Variants in ZFHX3 observed in about 807,000 individuals in gnomAD.
ZFHX3 encodes zinc finger homeobox protein 3.
In ZFHX3, 42 loss-of-function variants were observed where a neutral mutation model predicts 279.1. The ratio of observed to expected loss-of-function variants is 0.15; its 90% confidence interval spans 0.12 to 0.19. The LOEUF is 0.19. Among genes scored for constraint, ZFHX3 ranks in the 10% least tolerant of loss-of-function variants. ZFHX3 has a pLI of 1.00. For synonymous variants in ZFHX3, 2,293 were observed against 1,957.8 expected (o/e 1.17, Z -4.52); for missense variants, 4,981 against 4,754.0 (o/e 1.05, Z -1.40).
At chr16:73,713,993 C>T (rs912124258) in intron 1 of ZFHX3, among the ~76,000 whole-genome samples, 12 of 152,118 alleles carry the variant, frequency 7.9e-5, no homozygotes, top group Non-Finnish European at 1.6e-4. Context: ...CGATACCCAG[C>T]GGCTGGCACC....
At chr16:73,521,708 A>G (rs2019611471) in intron 2 of ZFHX3, among the ~76,000 whole-genome samples, 1 of 151,982 alleles carries the variant, frequency 6.6e-6, no homozygotes. Flanking sequence ...AAAAATTTAA[A>G]TCTAAAATAA....
intron 4 of ZFHX3, among the ~76,000 whole-genome samples, chr16:73,308,128 G>A (rs2015225196): frequency 6.6e-6 from 1 of 151,304 alleles, no homozygotes; most frequent in African/African-American, 2.4e-5. Context: ...TTGTCGGAGA[G>A]ATAAGTAATA....
chr16:73,042,120 C>T (rs373832282), intron 1 of ZFHX3, among the ~76,000 whole-genome samples: 5 of 152,020 alleles, frequency 3.3e-5, no homozygotes, highest in East Asian at 1.9e-4. Flanking sequence ...AGTTTAAATG[C>T]TTCTGAAAAG....
chr16:73,286,929 T>C (rs1597263088), intron 4 of ZFHX3, among the ~76,000 whole-genome samples: 2 of 140,448 alleles, frequency 1.4e-5, no homozygotes, highest in Non-Finnish European at 3.1e-5. Context: ...GCTGTGTGGG[T>C]TGGTGTGTGG....
intron 1 of ZFHX3, among the ~76,000 whole-genome samples, chr16:73,869,826 G>A (rs974893630): frequency 2.6e-5 from 4 of 152,178 alleles, no homozygotes; most frequent in African/African-American, 7.2e-5. Flanking sequence ...TTTAGAGGGA[G>A]GTAGCGGTCT....
intron 5 of ZFHX3, among the ~76,000 whole-genome samples, chr16:73,155,195 CA>C (rs78019086): frequency 1.5e-5 from 2 of 133,512 alleles, no homozygotes; most frequent in African/African-American, 5.4e-5. Context: ...AAAAAAAAAA[CA>C]AAAAAAAGGA....
intron 2 of ZFHX3, among the ~76,000 whole-genome samples, chr16:73,516,688 C>T (rs368268324): frequency 2.6e-4 from 40 of 152,292 alleles, no homozygotes; most frequent in South Asian, 2.1e-3. Flanking sequence ...CTTCTTCCTT[C>T]GTTCTCCATT....
chr16:73,423,324 C>G (rs17313499), intron 3 of ZFHX3, among the ~76,000 whole-genome samples: 22,372 of 152,194 alleles, frequency 0.15, 2,249 homozygotes, highest in Middle Eastern at 0.27. Context: ...CTTTTGCTCT[C>G]AGAGAGTGTT....
At chr16:73,864,144 A>C (rs755843319) in intron 1 of ZFHX3, among the ~76,000 whole-genome samples, 4 of 152,188 alleles carry the variant, frequency 2.6e-5, no homozygotes, top group Non-Finnish European at 5.9e-5. Flanking sequence ...CCATTGCCAG[A>C]ACTTGCAGTT....
At chr16:73,595,438 C>A (rs1020688693) in intron 2 of ZFHX3, among the ~76,000 whole-genome samples, 1 of 152,168 alleles carries the variant, frequency 6.6e-6, no homozygotes, top group African/African-American at 2.4e-5. Flanking sequence ...ACAGTATCTT[C>A]CCTTGGCTTC....
chr16:72,793,518 G>C lies in ZFHX3; in HGVS notation c.9164C>G (p.Thr3055Ser). 6.2e-7 allele frequency: 1 copy of C among 1,614,152 alleles called. No homozygotes were observed. The highest frequency in any genetic ancestry group is 8.5e-7 in the Non-Finnish European group (1 of 1,180,038). Residue 3055 changes from threonine (T) to serine (S), a missense_variant, in exon 9 of 10, where the codon ACC (threonine) becomes AGC (serine). Thr to Ser is a moderately conservative substitution (Grantham distance 58, BLOSUM62 1). Around this residue, in one of 7 missense-constraint regions of ZFHX3, gnomAD observed 168 missense variants for 249.1 expected, o/e 0.67. Coordinates refer to ENST00000268489, the MANE Select transcript of ZFHX3 (RefSeq NM_006885.4). This position sits in a 1 kb window ranked among gnomAD's most constrained non-coding sequence, Gnocchi z 4.3. ...CTCCTTGTCCAGCTGGCTTCCAATG[G>C]TGTCTTTAACTTTGGAGATATGCTG... ...SQQHISKVKD[T>S]IGSQLDKEKE... is the part of the protein sequence containing the mutation.
chr16:73,019,880 C>T (rs1043126274), intron 1 of ZFHX3, among the ~76,000 whole-genome samples: 4 of 152,152 alleles, frequency 2.6e-5, no homozygotes, highest in Non-Finnish European at 4.4e-5. Context: ...AATGAGAGAG[C>T]GGGCTGGCAT....
chr16:73,861,451 T>C (rs1043967731), intron 1 of ZFHX3, among the ~76,000 whole-genome samples: 27 of 152,268 alleles, frequency 1.8e-4, no homozygotes, highest in African/African-American at 5.3e-4. Context: ...GATTTCCGTG[T>C]ACAAATAATC....
At chr16:73,336,288 T>C (rs1212168528) in intron 3 of ZFHX3, among the ~76,000 whole-genome samples, 3 of 152,236 alleles carry the variant, frequency 2.0e-5, no homozygotes, top group African/African-American at 7.2e-5. Flanking sequence ...GTCTGTTATA[T>C]GGGTAAATGC....
chr16:72,934,839 C>T (rs1008058901), intron 3 of ZFHX3, among the ~76,000 whole-genome samples: 1 of 152,198 alleles, frequency 6.6e-6, no homozygotes, highest in Non-Finnish European at 1.5e-5. Flanking sequence ...AAACCACAAC[C>T]TCTGGGGGTC....
At chr16:73,516,830 T>C (rs954818475) in intron 2 of ZFHX3, among the ~76,000 whole-genome samples, 2 of 152,210 alleles carry the variant, frequency 1.3e-5, no homozygotes, top group African/African-American at 4.8e-5. Flanking sequence ...TTTGGGTGGA[T>C]GGACATTGAA....
chr16:73,863,259 G>T (rs1446234219), intron 1 of ZFHX3, among the ~76,000 whole-genome samples: 1 of 152,130 alleles, frequency 6.6e-6, no homozygotes, highest in African/African-American at 2.4e-5. Flanking sequence ...AGTCCCTAGA[G>T]GAATGGGGTA....
chr16:73,509,613 C>T (rs1372539062), intron 2 of ZFHX3, among the ~76,000 whole-genome samples: 1 of 149,478 alleles, frequency 6.7e-6, no homozygotes, highest in Admixed American at 6.6e-5. Context: ...CAACCTCCAC[C>T]CCCTGGGTTC....
rs558902456 is a variant in ZFHX3, at chr16:72,894,579, G to C, written c.3217-4617C>G. Among the ~76,000 whole-genome samples the C allele has an allele frequency of 2.6e-3, 398 of 152,324 alleles. 1 individual carries two copies. The highest frequency in any genetic ancestry group is 4.0e-3 in the Admixed American group (61 of 15,306). ...TCCACGGGGCCAGTCAGTCAGCCAA[G>C]AACATGCCTTCCCCGCAGAAGGGAG... On this transcript the variant is annotated intron_variant, in intron 3 of 9. Coordinates refer to ENST00000268489, the MANE Select transcript of ZFHX3 (RefSeq NM_006885.4).
Sources: gnomAD v4.1 joint callset for allele counts (sites outside exome capture counted in the v4.1 genomes callset) on GRCh38, gnomAD v4.1.1 for gene constraint, gnomAD v4.1.1 regional missense constraint, Gnocchi (gnomAD v3.1) non-coding constraint, MANE v1.5 for transcripts, NCBI Gene and HGNC (gene_info 2026-07-23, HGNC 2026-07-21) for gene names.